The following FAT1 variants were observed in gnomAD, a reference collection of about 807,000 sequenced individuals.
The protein encoded by FAT1 is FAT atypical cadherin 1.
A neutral mutation model predicts 329.8 loss-of-function variants in FAT1; 171 were observed. The ratio of observed to expected loss-of-function variants is 0.52; its 90% CI spans 0.46 to 0.59. The LOEUF is 0.59. Among genes scored for constraint, FAT1 ranks in the 20% least tolerant of loss-of-function variants. FAT1 has a pLI of 0.00. For synonymous variants in FAT1, 2,233 were observed against 2,228.6 expected, an observed-to-expected ratio of 1.00 and a Z score of -0.06; for missense variants, 5,672 against 5,774.4, an observed-to-expected ratio of 0.98 and a Z score of 0.57.
Position 186,621,377 on chromosome 4 carries a change from T to C in FAT1, c.5209A>G (p.Ile1737Val). The change falls in exon 10 of 27, where the codon ATA (isoleucine) becomes GTA (valine). Residue 1737 changes from isoleucine to valine, a missense_variant. Coordinates refer to ENST00000441802, the MANE Select transcript of FAT1 (RefSeq NM_005245.4). ...AAACCAGCCATGTTAGTTCCTTGTA[T>C]TATCAATGTGTAAATGGGCAAAGTT... ...FETLPIYTLI[I>V]QGTNMAGLST... is the part of the protein sequence containing the mutation. The C allele has an allele frequency of 1.2e-6, 2 of 1,614,022 alleles. No individual in the cohort carries two copies. The highest frequency in any genetic ancestry group is 1.3e-5 in the African/African-American group (1 of 75,068).
chr4:186,695,729 T>TA (rs1743993779), intron 2 of FAT1, among the ~76,000 whole-genome samples: 1 of 150,116 alleles, frequency 6.7e-6, no homozygotes, highest in South Asian at 2.1e-4. Context: ...TTAAACATGC[T>TA]AAAATAATTT....
At chr4:186,606,299 G>A (rs982368366) in intron 16 of FAT1, 86 bp from the exon 17 acceptor site, 22 of 1,447,386 alleles carry the variant, frequency 1.5e-5, no homozygotes, top group Admixed American at 7.6e-5. Flanking sequence ...GAGTCCTGAC[G>A]GGCAGGTCCC....
chr4:186,628,499 G>C lies in FAT1; in HGVS notation c.4588C>G (p.Leu1530Val). 1.1e-5 allele frequency: 17 copies of C among 1,614,036 alleles called. No homozygotes were observed. Among genetic ancestry groups the C allele is most frequent in the Non-Finnish European group, 1.4e-5 (17 of 1,179,892 alleles). The change falls in exon 8 of 27, where the codon CTC becomes GTC. Residue 1530 changes from leucine to valine, a missense_variant. Coordinates refer to ENST00000441802, the MANE Select transcript of FAT1 (RefSeq NM_005245.4). Reference protein sequence around the residue: ...LDHEAVHQHTLTVMVRDQDVP... With the variant: ...LDHEAVHQHTVTVMVRDQDVP... The stretch of plus-strand genomic sequence containing the variant: ...GGTAGAGCGCCTACCATGACCGTGA[G>C]GGTGTGCTGGTGAACAGCTTCATGA...
At chr4:186,673,955 A>G (rs1011161168) in intron 2 of FAT1, among the ~76,000 whole-genome samples, 1 of 152,200 alleles carries the variant, frequency 6.6e-6, no homozygotes, top group South Asian at 2.1e-4. Flanking sequence ...TCATCTGGAC[A>G]CCTGTTAATT....
intron 2 of FAT1, among the ~76,000 whole-genome samples, chr4:186,667,263 AC>A (rs530259964): frequency 1.8e-3 from 280 of 152,266 alleles, no homozygotes; most frequent in Admixed American, 3.9e-3. Flanking sequence ...GTCCCCACCG[AC>A]CCATCAGCTG....
intron 26 of FAT1, among the ~76,000 whole-genome samples, chr4:186,593,196 T>C (rs1023895087): frequency 7.2e-5 from 11 of 152,194 alleles, no homozygotes; most frequent in Admixed American, 5.9e-4. Flanking sequence ...GAGAAACATA[T>C]GCAATCTAAA....
chr4:186,623,944 C>A (rs1364114162), intron 9 of FAT1, among the ~76,000 whole-genome samples: 1 of 152,158 alleles, frequency 6.6e-6, no homozygotes, highest in Non-Finnish European at 1.5e-5. Flanking sequence ...TAAACAGGAA[C>A]CCAGCTCGTG....
Position 186,596,416 on chromosome 4 carries a change from T to A in FAT1, c.13000+124A>T. The A allele has an allele frequency of 9.0e-7, 1 of 1,107,326 alleles. No individual in the cohort carries two copies. Among genetic ancestry groups the A allele is most frequent in the Non-Finnish European group, 1.3e-6 (1 of 786,752 alleles). 68.6% of individuals were successfully genotyped at this position (1,107,326 alleles called of 1,614,324 possible). A position where few individuals can be genotyped will look rare whatever the true frequency, so the allele number is the denominator to read the frequency against. On this transcript the variant is annotated intron_variant, in intron 25 of 26. Coordinates refer to ENST00000441802, the MANE Select transcript of FAT1 (RefSeq NM_005245.4). This position sits in a 1 kb window ranked among gnomAD's most constrained non-coding sequence, Gnocchi z 4.7. Reference sequence around the variant, plus strand: ...CATCCAAAAAAGTTTCAAATCATCATACGGATTTCAGTCTGAGCATACTTG... The same window carrying A: ...CATCCAAAAAAGTTTCAAATCATCAAACGGATTTCAGTCTGAGCATACTTG...
At chr4:186,671,273 A>G (rs1292287183) in intron 2 of FAT1, among the ~76,000 whole-genome samples, 1 of 152,218 alleles carries the variant, frequency 6.6e-6, no homozygotes, top group East Asian at 1.9e-4. Context: ...GATTTAAATA[A>G]CAATCTAATT....
At chr4:186,652,017 A>G (rs1741687487) in intron 3 of FAT1, among the ~76,000 whole-genome samples, 1 of 152,244 alleles carries the variant, frequency 6.6e-6, no homozygotes. Flanking sequence ...TTTAGTTCAA[A>G]CTTTCAGAGT....
At position 186,600,126 on chromosome 4, in the gene FAT1, G is replaced by A. The variant is rs762097716; in HGVS notation, c.11875C>T (p.Gln3959Ter). Residue 3959 changes from glutamine (Q) to a stop codon, truncating the protein, a stop_gained, in exon 22 of 27, where the codon CAG becomes TAG. Coordinates refer to ENST00000441802, the MANE Select transcript of FAT1 (RefSeq NM_005245.4). LOFTEE classifies it high-confidence loss of function. ...GGACTTCTTCCATGCCTTGTTCCCT[G>A]CTGACGGATGTGGCCACCAAAAAAC... ...YVFFGGHIRQ[Q>*]GTRHGRSPQV... 1 of 1,613,926 alleles carries A rather than the reference G, an allele frequency of 6.2e-7. No individual in the cohort carries two copies. Among genetic ancestry groups the A allele is most frequent in the African/African-American group, 1.3e-5 (1 of 74,954 alleles).
rs1249416927 is a variant in FAT1, at chr4:186,619,748, G to A, written c.6838C>T (p.Pro2280Ser). 1.9e-6 allele frequency: 3 copies of A among 1,613,850 alleles called. No individual in the cohort carries two copies. Among genetic ancestry groups the A allele is most frequent in the Admixed American group, 3.3e-5 (2 of 60,002 alleles). The stretch of plus-strand genomic sequence containing the variant: ...TAAGACTGCTGAGCAAACACAGGAG[G>A]GTTATCATTGATGTCGTCTACTATG... ...DIIVDDINDNPPVFAQQSYAV... is the reference protein window; with the variant it reads ...DIIVDDINDNSPVFAQQSYAV... Residue 2280 changes from proline to serine, a missense_variant, in exon 10 of 27, where the codon CCT (proline) becomes TCT (serine). Physicochemically the swap from Pro to Ser is moderately conservative, Grantham distance 74. Coordinates refer to ENST00000441802, the MANE Select transcript of FAT1 (RefSeq NM_005245.4).
rs1488559790 is a variant in FAT1 at position 186,645,949 on chromosome 4, A to C, written c.3581-6166T>G. Reference sequence around the variant, plus strand: ...TTACAGAGTGAGACTGTCTCACAAAAAAAAAAAAAAAAAATATATACACAC... The same window carrying C: ...TTACAGAGTGAGACTGTCTCACAAACAAAAAAAAAAAAAATATATACACAC... On this transcript the variant is annotated intron_variant, in intron 3 of 26. Transcript: ENST00000441802. Among the ~76,000 whole-genome samples the C allele has an allele frequency of 1.8e-3, 192 of 108,208 alleles. 3 individuals are homozygous for C. The highest frequency in any genetic ancestry group is 7.3e-3 in the African/African-American group (185 of 25,316). 71.0% of individuals were successfully genotyped at this position (108,208 alleles called of 152,430 possible).
intron 17 of FAT1, among the ~76,000 whole-genome samples, chr4:186,605,345 T>G (rs1221398547): frequency 1.1e-4 from 9 of 83,526 alleles, no homozygotes; most frequent in African/African-American, 1.9e-4. Context: ...GGAGGGGTGA[T>G]GAGGAGGAGT....
At chr4:186,692,450 C>T (rs2126661879) in intron 2 of FAT1, among the ~76,000 whole-genome samples, 1 of 152,212 alleles carries the variant, frequency 6.6e-6, no homozygotes, top group African/African-American at 2.4e-5. Flanking sequence ...GTAGCTGGGA[C>T]TACAGGCGCC....
At chr4:186,684,409 T>C (rs995828776) in intron 2 of FAT1, among the ~76,000 whole-genome samples, 1 of 152,130 alleles carries the variant, frequency 6.6e-6, no homozygotes, top group Non-Finnish European at 1.5e-5. Flanking sequence ...GGGCTGAAGG[T>C]ACTCTTGCAG....
At chr4:186,695,760 A>AAC (rs34932295) in intron 2 of FAT1, among the ~76,000 whole-genome samples, 42,130 of 141,060 alleles carry the variant, frequency 0.3, 6,224 homozygotes, top group East Asian at 0.37. Flanking sequence ...TTATATATAA[A>AAC]ACACACACAC....
upstream of FAT1, among the ~76,000 whole-genome samples, chr4:186,724,619 C>T (rs1579518849): frequency 6.6e-6 from 1 of 152,152 alleles, no homozygotes; most frequent in African/African-American, 2.4e-5. This position sits in a 1 kb window ranked among gnomAD's most constrained non-coding sequence, Gnocchi z 5.3. Context: ...AGGGGAAGCC[C>T]CAGCGCCGAG....
In FAT1 at chr4:186,709,448, G is replaced by A. The variant is rs1362836543; in HGVS notation, c.380C>T (p.Thr127Ile). 1 of 1,613,888 alleles carries A rather than the reference G, an allele frequency of 6.2e-7. No homozygotes were observed. The highest frequency in any genetic ancestry group is 1.7e-5 in the Admixed American group (1 of 60,014). Residue 127 changes from threonine (T) to isoleucine (I), a missense_variant, in exon 2 of 27, where the codon ACT becomes ATT. Coordinates refer to ENST00000441802, the MANE Select transcript of FAT1 (RefSeq NM_005245.4). ...GACCTTTGTTCGCGCCTCCACATTAGTATTTTTTTCAAGTGCTTTCACTAT... is the reference window on the plus strand; with the variant it reads ...GACCTTTGTTCGCGCCTCCACATTAATATTTTTTTCAAGTGCTTTCACTAT... Reference protein sequence around the residue: ...TLIVKALEKNTNVEARTKVRV... With the variant: ...TLIVKALEKNINVEARTKVRV...
Sources: allele counts gnomAD v4.1 joint callset (sites outside exome capture counted in the v4.1 genomes callset), GRCh38; gene constraint gnomAD v4.1.1; non-coding constraint Gnocchi (gnomAD v3.1); transcripts MANE v1.5; gene names NCBI Gene and HGNC (gene_info 2026-07-23, HGNC 2026-07-21).